Variants in FGF13 observed in about 807,000 individuals in gnomAD.
The protein encoded by FGF13 is fibroblast growth factor 13.
A neutral mutation model predicts 19.5 loss-of-function variants in FGF13; 2 were observed. The ratio of observed to expected loss-of-function variants is 0.10; its 90% CI spans 0.04 to 0.32. FGF13 has a LOEUF of 0.32. Ranked by LOEUF, FGF13 falls within the 10% of genes least tolerant of loss-of-function variation. The pLI, the probability that FGF13 is intolerant of heterozygous loss-of-function variation, is 1.00. For missense variants in FGF13, 113 were observed against 192.7 expected (o/e 0.59, Z 2.45); for synonymous variants, 72 against 76.9 (o/e 0.94, Z 0.33).
intron 1 of FGF13, among the ~76,000 whole-genome samples, chrX:138,920,780 G>A (rs995800893): frequency 9.0e-6 from 1 of 111,449 alleles, no homozygotes; most frequent in Non-Finnish European, 1.9e-5. Context: ...AGTGCTCCTG[G>A]TCTTCTCTAC....
chrX:139,165,178 G>T (rs942433740), intron 1 of FGF13, among the ~76,000 whole-genome samples: 2 of 112,262 alleles, frequency 1.8e-5, no homozygotes, highest in African/African-American at 6.5e-5. Context: ...GAACTTGGCA[G>T]AATTGTGTCC....
intron 1 of FGF13, among the ~76,000 whole-genome samples, chrX:138,930,140 T>C (rs953166930): frequency 9.0e-6 from 1 of 111,422 alleles, no homozygotes; most frequent in South Asian, 3.8e-4. Flanking sequence ...TAGCAGCAAG[T>C]GGCCTGAAAG....
At chrX:139,107,153 C>T (rs947093257) in intron 1 of FGF13, among the ~76,000 whole-genome samples, 5 of 111,401 alleles carry the variant, frequency 4.5e-5, no homozygotes, top group African/African-American at 1.6e-4. Flanking sequence ...AGTATGATAA[C>T]GTGTGATGAA....
At chrX:139,112,408 C>T (rs2083609445) in intron 1 of FGF13, among the ~76,000 whole-genome samples, 1 of 111,896 alleles carries the variant, frequency 8.9e-6, no homozygotes. Flanking sequence ...ATATACTATA[C>T]AATTGACTCA....
intron 1 of FGF13, among the ~76,000 whole-genome samples, chrX:139,012,122 G>A (rs2124374624): frequency 9.0e-6 from 1 of 111,049 alleles, no homozygotes; most frequent in South Asian, 3.8e-4. Flanking sequence ...AAATACTTAG[G>A]AATATACCTA....
At chrX:139,186,249 T>C (rs2084282597) in intron 1 of FGF13, among the ~76,000 whole-genome samples, 1 of 111,644 alleles carries the variant, frequency 9.0e-6, no homozygotes, top group South Asian at 3.8e-4. Context: ...TACTGCTCAA[T>C]CACACAGTTG....
intron 1 of FGF13, among the ~76,000 whole-genome samples, chrX:138,981,295 C>A (rs2091962427): frequency 9.9e-6 from 1 of 100,656 alleles, no homozygotes; most frequent in Admixed American, 1.1e-4. Context: ...TGGATAAACA[C>A]AGCTGGAACA....
chrX:138,732,089 A>G (rs1316582251), intron 1 of FGF13, among the ~76,000 whole-genome samples: 1 of 111,641 alleles, frequency 9.0e-6, no homozygotes, highest in South Asian at 3.7e-4. Context: ...TGACAACCCT[A>G]AAAGCTGATG....
upstream of FGF13, among the ~76,000 whole-genome samples, chrX:138,740,342 G>A (rs1164476919): frequency 9.0e-6 from 1 of 111,649 alleles, no homozygotes. Flanking sequence ...TTAAGCCCCA[G>A]TACCCATATT....
At chrX:138,810,570 C>T (rs1427715922) in intron 3 of FGF13, among the ~76,000 whole-genome samples, 3 of 111,864 alleles carry the variant, frequency 2.7e-5, no homozygotes, top group Non-Finnish European at 1.9e-5. Flanking sequence ...AAAGTAATGG[C>T]AACAAAAGAC....
intron 1 of FGF13, among the ~76,000 whole-genome samples, chrX:138,959,875 T>C (rs920756862): frequency 8.9e-6 from 1 of 111,794 alleles, no homozygotes; most frequent in African/African-American, 3.3e-5. Flanking sequence ...ATTTGCTTGG[T>C]AGATCTTCCT....
intron 1 of FGF13, among the ~76,000 whole-genome samples, chrX:139,003,977 C>CAA (rs2092087709): frequency 8.9e-6 from 1 of 112,565 alleles, no homozygotes; most frequent in Non-Finnish European, 1.9e-5. Context: ...GTGGATCCTG[C>CAA]ACCGGGGCTG....
downstream of FGF13, among the ~76,000 whole-genome samples, chrX:138,856,933 T>C (rs2091260941): frequency 9.0e-6 from 1 of 111,599 alleles, no homozygotes; most frequent in African/African-American, 3.3e-5. Flanking sequence ...AACCTGTACT[T>C]GAGCTGAAAA....
chrX:139,097,312 T>TA lies in FGF13; in HGVS notation c.-113+106103dup, dbSNP rs530015950. Among the ~76,000 whole-genome samples the TA allele has an allele frequency of 9.1e-3, 983 of 107,841 alleles. 9 individuals are homozygous for TA. Among genetic ancestry groups the TA allele is most frequent in the South Asian group, 0.034 (84 of 2,506 alleles). The allele number at this position is 107,841 out of a possible 115,157, so 93.6% of individuals were successfully genotyped here. A position where few individuals can be genotyped will look rare whatever the true frequency, so the allele number is the denominator to read the frequency against. ...CTAAGACTAATGATTGCTGATGACC[T>TA]AAAAAAAAAATCACAAAAAAAATCT... is the stretch of plus-strand genomic sequence containing the variant. On this transcript the variant is annotated intron_variant, in intron 1 of 2. Coordinates refer to the FGF13 transcript ENST00000421460.
intron 1 of FGF13, among the ~76,000 whole-genome samples, chrX:138,734,780 G>A (rs963071557): frequency 2.7e-5 from 3 of 111,997 alleles, no homozygotes; most frequent in Non-Finnish European, 5.6e-5. Context: ...ATAGAAGCTA[G>A]CTGGGCAGCC....
intron 3 of FGF13, among the ~76,000 whole-genome samples, chrX:138,700,905 C>T (rs770304330): frequency 8.9e-6 from 1 of 111,820 alleles, no homozygotes; most frequent in South Asian, 3.8e-4. Context: ...GGAAGCCTTT[C>T]TAGAAATGAG....
At chrX:138,830,898 C>A (rs2091068482) in intron 3 of FGF13, among the ~76,000 whole-genome samples, 1 of 110,776 alleles carries the variant, frequency 9.0e-6, no homozygotes, top group Non-Finnish European at 1.9e-5. Flanking sequence ...TCTCGAAGAT[C>A]TTTGAGGCTG....
intron 3 of FGF13, among the ~76,000 whole-genome samples, chrX:138,666,654 G>T (rs1357857587): frequency 9.0e-6 from 1 of 111,329 alleles, no homozygotes; most frequent in Non-Finnish European, 1.9e-5. Context: ...ATCTCACAAG[G>T]TGTAGCAGGG....
intron 1 of FGF13, among the ~76,000 whole-genome samples, chrX:139,102,056 A>G (rs978013866): frequency 8.9e-6 from 1 of 112,112 alleles, no homozygotes; most frequent in Admixed American, 9.5e-5. Flanking sequence ...TGACATTTAT[A>G]ATCCCCACCA....
Sources: gnomAD v4.1 joint callset for allele counts (sites outside exome capture counted in the v4.1 genomes callset) on GRCh38, gnomAD v4.1.1 for gene constraint, MANE v1.5 for transcripts, NCBI Gene and HGNC (gene_info 2026-07-23, HGNC 2026-07-21) for gene names.